The following CNTNAP5 variants were observed in gnomAD, a reference collection of about 807,000 sequenced individuals.
CNTNAP5 encodes contactin associated protein family member 5, also known as contactin-associated protein-like 5.
A neutral mutation model predicts 150.2 loss-of-function variants in CNTNAP5; 72 were observed. That is an observed-to-expected ratio of 0.48 (90% CI 0.40 to 0.58). The LOEUF is 0.58. CNTNAP5 is among the 20% of genes least tolerant of loss of function. The pLI, the probability that CNTNAP5 is intolerant of heterozygous loss-of-function variation, is 0.00. For missense variants in CNTNAP5, 1,636 were observed against 1,626.2 expected (o/e 1.01, Z -0.10); for synonymous variants, 672 against 619.8 (o/e 1.08, Z -1.25).
At chr2:124,232,464 G>A (rs1046410103) in intron 2 of CNTNAP5, among the ~76,000 whole-genome samples, 4 of 152,058 alleles carry the variant, frequency 2.6e-5, no homozygotes, top group Non-Finnish European at 5.9e-5. Context: ...AAAAACATGA[G>A]TTTAGGTTTA....
At chr2:124,805,560 T>C (rs1339614922) in intron 19 of CNTNAP5, among the ~76,000 whole-genome samples, 1 of 152,120 alleles carries the variant, frequency 6.6e-6, no homozygotes, top group Non-Finnish European at 1.5e-5. Flanking sequence ...AAGTCAGTCC[T>C]CTAAGACCCT....
At chr2:124,561,626 G>A (rs188882922) in intron 10 of CNTNAP5, among the ~76,000 whole-genome samples, 2 of 152,222 alleles carry the variant, frequency 1.3e-5, no homozygotes, top group African/African-American at 2.4e-5. Flanking sequence ...TTAGGCTATC[G>A]TTGAATACCA....
Position 124,893,693 on chromosome 2 carries a change from G to A in CNTNAP5, c.3437-9189G>A, listed in dbSNP as rs534897802. On this transcript the variant is annotated intron_variant, in intron 21 of 23. Coordinates refer to ENST00000682447, the MANE Select transcript of CNTNAP5 (RefSeq NM_001367498.1). ...AGGAGACTTGGCACTAAAAAACACA[G>A]AAAGGCAAGTAGCACTGGATACTGT... 1.9e-3 allele frequency among the ~76,000 whole-genome samples: 292 copies of A among 152,172 alleles called. 2 individuals carry two copies. The highest frequency in any genetic ancestry group is 6.7e-3 in the African/African-American group (279 of 41,546).
intron 21 of CNTNAP5, among the ~76,000 whole-genome samples, chr2:124,885,997 G>T (rs1212109160): frequency 1.3e-5 from 2 of 151,916 alleles, no homozygotes; most frequent in Non-Finnish European, 2.9e-5. Flanking sequence ...GAGGGGATTT[G>T]TTGCCTTTTG....
intron 1 of CNTNAP5, among the ~76,000 whole-genome samples, chr2:124,112,574 T>G (rs1401573289): frequency 2.0e-5 from 3 of 152,310 alleles, no homozygotes; most frequent in South Asian, 2.1e-4. Context: ...TTTATAAAAT[T>G]TTGTGCTCCT....
intron 1 of CNTNAP5, among the ~76,000 whole-genome samples, chr2:124,035,642 C>G (rs905298651): frequency 6.6e-6 from 1 of 152,098 alleles, no homozygotes; most frequent in Non-Finnish European, 1.5e-5. Context: ...ATCTTCAACA[C>G]TCAGGCAAAT....
Position 124,917,695 on chromosome 2 carries a change from A to G in CNTNAP5, c.*3407A>G, listed in dbSNP as rs1443469096. ...ATAAAGAGATTGTTTTTCTTTTTTC[A>G]TTCATGAAGTATTTATGGAATGCCA... is the stretch of plus-strand genomic sequence containing the variant. On this transcript the variant is annotated 3_prime_UTR_variant, in exon 24 of 24. Transcript: ENST00000682447. Among the ~76,000 whole-genome samples the G allele has an allele frequency of 6.6e-6, 1 of 151,928 alleles. No individual in the cohort carries two copies. The highest frequency in any genetic ancestry group is 1.5e-5 in the Non-Finnish European group (1 of 67,944).
intron 1 of CNTNAP5, among the ~76,000 whole-genome samples, chr2:124,126,128 T>C (rs1054077979): frequency 2.0e-5 from 3 of 152,152 alleles, no homozygotes; most frequent in African/African-American, 7.2e-5. Flanking sequence ...ATTCAGGAGC[T>C]GGTTTTTTGA....
chr2:124,408,779 A>AT (rs1691665567), intron 3 of CNTNAP5, among the ~76,000 whole-genome samples: 2 of 151,832 alleles, frequency 1.3e-5, no homozygotes, highest in African/African-American at 4.8e-5. Context: ...AACCACAAAG[A>AT]TGGGGAAAAA....
At chr2:124,402,090 A>G (rs1691439833) in intron 3 of CNTNAP5, among the ~76,000 whole-genome samples, 1 of 152,322 alleles carries the variant, frequency 6.6e-6, no homozygotes, top group South Asian at 2.1e-4. Context: ...TTGCATCAGA[A>G]ATAACTTTCA....
At chr2:124,422,700 C>A (rs1692137372) in intron 4 of CNTNAP5, among the ~76,000 whole-genome samples, 1 of 152,148 alleles carries the variant, frequency 6.6e-6, no homozygotes, top group Admixed American at 6.5e-5. Flanking sequence ...TATGCAGCTC[C>A]ACGTACAAAG....
chr2:124,642,833 C>T (rs1678121884), intron 12 of CNTNAP5, among the ~76,000 whole-genome samples: 1 of 152,152 alleles, frequency 6.6e-6, no homozygotes, highest in Admixed American at 6.5e-5. Flanking sequence ...ATTTCATGTC[C>T]TAAAAGATCT....
chr2:124,224,010 T>C (rs1686396004), intron 2 of CNTNAP5, among the ~76,000 whole-genome samples: 1 of 151,774 alleles, frequency 6.6e-6, no homozygotes, highest in African/African-American at 2.4e-5. Context: ...GGAGATACGG[T>C]ATCAGTGGTT....
intron 1 of CNTNAP5, among the ~76,000 whole-genome samples, chr2:124,116,306 C>T (rs991624679): frequency 6.6e-6 from 1 of 152,148 alleles, no homozygotes; most frequent in Non-Finnish European, 1.5e-5. Flanking sequence ...GGGTGTGAAT[C>T]CTGCTATCAC....
intron 1 of CNTNAP5, among the ~76,000 whole-genome samples, chr2:124,098,032 A>C (rs987518713): frequency 1.3e-5 from 2 of 152,174 alleles, no homozygotes; most frequent in Non-Finnish European, 2.9e-5. Flanking sequence ...CGTCTCAAAA[A>C]AAATAAATAA....
chr2:124,484,215 T>C lies in CNTNAP5; in HGVS notation c.1062+9333T>C, dbSNP rs1693819896. Among the ~76,000 whole-genome samples the C allele has an allele frequency of 2.0e-5, 3 of 152,224 alleles. No homozygotes were observed. In the South Asian group the frequency reaches 6.2e-4, roughly 31 times the overall value. On this transcript the variant is annotated intron_variant, in intron 7 of 23. Coordinates refer to ENST00000682447, the MANE Select transcript of CNTNAP5 (RefSeq NM_001367498.1). ...AGGAACTTGGCTTGGATATGGTAGATGCAAAAGCTCAAGGTGGGACTGTGG... is the reference window on the plus strand; with the variant it reads ...AGGAACTTGGCTTGGATATGGTAGACGCAAAAGCTCAAGGTGGGACTGTGG...
At chr2:124,524,698 A>T (rs1694926732) in intron 9 of CNTNAP5, among the ~76,000 whole-genome samples, 2 of 152,188 alleles carry the variant, frequency 1.3e-5, no homozygotes, top group Admixed American at 1.3e-4. Context: ...TAGCTACAAG[A>T]GCTGGTGTTA....
intron 4 of CNTNAP5, among the ~76,000 whole-genome samples, chr2:124,432,632 G>C (rs969571573): frequency 6.6e-6 from 1 of 152,302 alleles, no homozygotes; most frequent in South Asian, 2.1e-4. Flanking sequence ...GTCTGGTACA[G>C]TGGCAGAGTA....
In CNTNAP5 at chr2:124,191,704, T is replaced by C. The variant is rs530569044; in HGVS notation, c.83-30001T>C. On this transcript the variant is annotated intron_variant, in intron 1 of 23. Coordinates refer to ENST00000682447, the MANE Select transcript of CNTNAP5 (RefSeq NM_001367498.1). ...GCCCAGGCAGGTGGATCACCTGAGG[T>C]CAGGAGTTGAGACCAGCCTGACCAA... Among the ~76,000 whole-genome samples, 9 of 151,930 alleles carry C rather than the reference T, an allele frequency of 5.9e-5. No homozygotes were observed. In the East Asian group the frequency reaches 1.8e-3, roughly 30 times the overall value.
Sources: gnomAD v4.1 joint callset for allele counts (sites outside exome capture counted in the v4.1 genomes callset) on GRCh38, gnomAD v4.1.1 for gene constraint, MANE v1.5 for transcripts, NCBI Gene and HGNC (gene_info 2026-07-23, HGNC 2026-07-21) for gene names.